Variants in GRK5 observed in about 807,000 individuals in gnomAD.
GRK5 encodes the protein g protein-coupled receptor kinase GRK5.
In GRK5, 40 loss-of-function variants were observed where a neutral mutation model predicts 78.4. That is an observed-to-expected ratio of 0.51 (90% CI 0.40 to 0.66). The LOEUF (loss-of-function observed/expected upper bound fraction) is 0.66. Ranked by LOEUF, GRK5 falls within the 30% of genes least tolerant of loss-of-function variation. GRK5 has a pLI of 0.00. For synonymous variants in GRK5, 289 were observed against 296.8 expected, an observed-to-expected ratio of 0.97 and a Z score of 0.27; for missense variants, 598 against 759.9, an observed-to-expected ratio of 0.79 and a Z score of 2.50.
chr10:119,302,218 T>C (rs1850195454), intron 1 of GRK5, among the ~76,000 whole-genome samples: 1 of 152,236 alleles, frequency 6.6e-6, no homozygotes, highest in Non-Finnish European at 1.5e-5. Flanking sequence ...ATAACTGGGC[T>C]TCTTCCCAGC....
At chr10:119,374,036 G>A (rs942985385) in intron 2 of GRK5, among the ~76,000 whole-genome samples, 5 of 152,106 alleles carry the variant, frequency 3.3e-5, no homozygotes, top group Admixed American at 1.3e-4. Flanking sequence ...ACCAGGGGGT[G>A]AGATGCGAGA....
At chr10:119,339,241 A>G (rs966384265) in intron 2 of GRK5, among the ~76,000 whole-genome samples, 1 of 152,192 alleles carries the variant, frequency 6.6e-6, no homozygotes, top group Non-Finnish European at 1.5e-5. Context: ...AATGGGAAAA[A>G]CAAGCTCGTT....
At chr10:119,424,310 G>A (rs1311696211) in intron 5 of GRK5, among the ~76,000 whole-genome samples, 1 of 152,164 alleles carries the variant, frequency 6.6e-6, no homozygotes, top group Non-Finnish European at 1.5e-5. Context: ...CCAAGTGCCT[G>A]TGCTAGATTA....
chr10:119,332,581 G>A (rs1365178944), intron 2 of GRK5, among the ~76,000 whole-genome samples: 1 of 152,200 alleles, frequency 6.6e-6, no homozygotes. Flanking sequence ...TCAGTTAGAG[G>A]TTGGTGAAAA....
At chr10:119,369,072 G>A (rs550457133) in intron 2 of GRK5, among the ~76,000 whole-genome samples, 3 of 152,276 alleles carry the variant, frequency 2.0e-5, no homozygotes, top group South Asian at 2.1e-4. Flanking sequence ...TGATCCAGGT[G>A]GTGGGGATAA....
chr10:119,354,395 CTTTTTTTTTTTTTT>C (rs60146483), intron 2 of GRK5, among the ~76,000 whole-genome samples: 5 of 87,808 alleles, frequency 5.7e-5, no homozygotes, highest in African/African-American at 2.2e-4. Flanking sequence ...CCTACATCTC[CTTTTTTTTTTTTTT>C]TTTTTTTTTT....
At chr10:119,446,721 C>T (rs1237536281) in intron 12 of GRK5, among the ~76,000 whole-genome samples, 9 of 152,216 alleles carry the variant, frequency 5.9e-5, no homozygotes, top group African/African-American at 1.4e-4. Context: ...CGACTGAGTG[C>T]TCTGCTTTGT....
rs35238730 is a variant in GRK5 at position 119,225,670 on chromosome 10, CTT to C, written c.52+17718_52+17719del. On this transcript the variant is annotated intron_variant, in intron 1 of 15. Coordinates refer to ENST00000392870, the MANE Select transcript of GRK5 (RefSeq NM_005308.3). ...ACTGCTGATTTTCTTCTCTCTCTCT[CTT>C]TTTTTTTTTTTTTTTTGAGATAGAG... 3.1e-3 allele frequency among the ~76,000 whole-genome samples: 353 copies of C among 114,908 alleles called. 2 individuals carry two copies. Among genetic ancestry groups the C allele is most frequent in the Admixed American group, 4.6e-3 (52 of 11,226 alleles). The allele number at this position is 114,908 out of a possible 152,430, so 75.4% of individuals were successfully genotyped here.
intron 2 of GRK5, among the ~76,000 whole-genome samples, chr10:119,344,896 TC>T (rs1330885492): frequency 1.5e-5 from 2 of 135,216 alleles, no homozygotes; most frequent in African/African-American, 5.5e-5. Flanking sequence ...CTTCCTTCCT[TC>T]CTTCCTTCCT....
At chr10:119,313,196 G>C (rs1382998277) in intron 1 of GRK5, among the ~76,000 whole-genome samples, 1 of 149,382 alleles carries the variant, frequency 6.7e-6, no homozygotes, top group Non-Finnish European at 1.5e-5. Flanking sequence ...TGATGATGGT[G>C]GTGGTAATGG....
rs142450131 is a variant in GRK5, at chr10:119,398,484, G to A, written c.339+1712G>A. Among the ~76,000 whole-genome samples the A allele has an allele frequency of 8.2e-3, 1,242 of 152,286 alleles. 5 individuals are homozygous for A. Among genetic ancestry groups the A allele is most frequent in the Non-Finnish European group, 0.013 (854 of 68,000 alleles). On this transcript the variant is annotated intron_variant, in intron 4 of 15. Coordinates refer to ENST00000392870, the MANE Select transcript of GRK5 (RefSeq NM_005308.3). ...CGTGAGAGGCCACTCTGCTGAAGGG[G>A]TCTTCAGCTACCCTCTGCAGAGGCA...
At chr10:119,371,841 T>G (rs1029151765) in intron 2 of GRK5, among the ~76,000 whole-genome samples, 1 of 152,248 alleles carries the variant, frequency 6.6e-6, no homozygotes, top group Non-Finnish European at 1.5e-5. Flanking sequence ...TGGCACCTAC[T>G]GTGTGCTGAG....
intron 4 of GRK5, among the ~76,000 whole-genome samples, chr10:119,403,560 T>C (rs912163690): frequency 6.6e-6 from 1 of 152,244 alleles, no homozygotes; most frequent in Non-Finnish European, 1.5e-5. Flanking sequence ...GATATTCCAT[T>C]GTAAAGATAC....
chr10:119,448,320 G>A (rs901128201), intron 13 of GRK5, 60 bp downstream of exon 13: 6 of 1,529,404 alleles, frequency 3.9e-6, no homozygotes, highest in Non-Finnish European at 5.3e-6. Flanking sequence ...GGCTGCCCCC[G>A]AGTGCTGCCT....
At chr10:119,210,114 T>G (rs1044349069) in intron 1 of GRK5, among the ~76,000 whole-genome samples, 1 of 152,248 alleles carries the variant, frequency 6.6e-6, no homozygotes, top group Admixed American at 6.5e-5. Context: ...ATTACAGTGA[T>G]TGAAAGTGCT....
intron 2 of GRK5, among the ~76,000 whole-genome samples, chr10:119,357,704 T>C (rs1026540691): frequency 2.6e-5 from 4 of 152,334 alleles, no homozygotes; most frequent in African/African-American, 7.2e-5. Flanking sequence ...CTTCTTTCCA[T>C]GCAAGAGGGC....
intron 6 of GRK5, among the ~76,000 whole-genome samples, 183 bp downstream of exon 6, chr10:119,425,268 T>TACACACACACACACACACACACAC (rs112640010): frequency 1.6e-5 from 2 of 126,724 alleles, no homozygotes; most frequent in African/African-American, 5.2e-5. Context: ...CACACACACA[T>TACACACACACACACACACACACAC]ACACACACAC....
chr10:119,313,826 T>C (rs1303146181), intron 1 of GRK5, among the ~76,000 whole-genome samples: 1 of 152,036 alleles, frequency 6.6e-6, no homozygotes, highest in African/African-American at 2.4e-5. Flanking sequence ...CAGCCTGGTG[T>C]TGGTTTTGGT....
intron 2 of GRK5, among the ~76,000 whole-genome samples, chr10:119,340,349 A>T (rs1461802430): frequency 1.3e-4 from 20 of 151,824 alleles, no homozygotes; most frequent in Admixed American, 1.3e-3. Flanking sequence ...CTGGTCTTGA[A>T]CTCTTGGCCT....
Sources: gnomAD v4.1 joint callset for allele counts (sites outside exome capture counted in the v4.1 genomes callset) on GRCh38, gnomAD v4.1.1 for gene constraint, MANE v1.5 for transcripts, NCBI Gene and HGNC (gene_info 2026-07-23, HGNC 2026-07-21) for gene names.